The following BEND2 variants were observed in gnomAD, a reference collection of about 807,000 sequenced individuals.
The protein encoded by BEND2 is BEN domain containing 2.
In BEND2, 19 loss-of-function variants were observed where a neutral mutation model predicts 43.8. The ratio of observed to expected loss-of-function variants is 0.43; its 90% CI spans 0.30 to 0.64. The LOEUF (loss-of-function observed/expected upper bound fraction) is 0.64, where lower values mean the gene tolerates loss of function less well. Among genes scored for constraint, BEND2 ranks in the 30% least tolerant of loss-of-function variants. The probability of loss-of-function intolerance (pLI) is 0.11; values close to 1 mark genes in which losing one functional copy is unlikely to be tolerated. For missense variants in BEND2, 544 were observed against 574.0 expected (o/e 0.95, Z 0.53); for synonymous variants, 226 against 210.1 (o/e 1.08, Z -0.66).
At chrX:18,212,092 CTTTTTT>C (rs758303697) in intron 4 of BEND2, among the ~76,000 whole-genome samples, 1 of 71,075 alleles carries the variant, frequency 1.4e-5, no homozygotes. Context: ...TTATTACTGT[CTTTTTT>C]TTTTTTTTTT....
chrX:18,180,686 T>C (rs1924351769), intron 8 of BEND2, 36 bp from the exon 9 acceptor site: 1 of 1,091,409 alleles, frequency 9.2e-7, no homozygotes, highest in Non-Finnish European at 1.3e-6. Flanking sequence ...CAATTCTATA[T>C]CCAGCAAAAC....
chrX:18,180,375 T>G, intron 9 of BEND2, 135 bp downstream of exon 9: 1 of 943,282 alleles, frequency 1.1e-6, no homozygotes, highest in Non-Finnish European at 1.4e-6. Context: ...CAATAAATGT[T>G]AGTCATGGTT....
Position 18,220,746 on chromosome X carries a change from G to C in BEND2, c.5C>G (p.Ser2Ter). 8.3e-7 allele frequency: 1 copy of C among 1,208,914 alleles called. No individual in the cohort carries two copies. Among genetic ancestry groups the C allele is most frequent in the Non-Finnish European group, 1.1e-6 (1 of 893,898 alleles). Residue 2 changes from serine to a stop codon, truncating the protein, a stop_gained, in exon 1 of 14, where the codon TCA becomes TGA. Coordinates refer to ENST00000380033, the MANE Select transcript of BEND2 (RefSeq NM_153346.5). LOFTEE classifies it high-confidence loss of function. M[S>*]ERTQEQDFVI... is the part of the protein sequence containing the mutation. The stretch of plus-strand genomic sequence containing the variant: ...TTTACCCTGTTCCTGGGTCCTCTCT[G>C]ACATCGTGAGATGGCGGGGTCTGGC...
intron 10 of BEND2, among the ~76,000 whole-genome samples, chrX:18,177,209 A>AT (rs771370173): frequency 4.8e-5 from 4 of 82,485 alleles, no homozygotes; most frequent in Middle Eastern, 5.5e-3. Context: ...CAAGTCTTTT[A>AT]TTCCCCCCCG....
intron 8 of BEND2, among the ~76,000 whole-genome samples, chrX:18,189,911 A>G (rs1039206316): frequency 3.6e-5 from 4 of 110,404 alleles, no homozygotes; most frequent in African/African-American, 1.3e-4. Flanking sequence ...TTAGCCGAGC[A>G]TGGTGGCACA....
At position 18,174,154 on chromosome X, in the gene BEND2, C is replaced by A. The variant is rs1207465612; in HGVS notation, c.1857G>T (p.Met619Ile). 3 of 1,209,631 alleles carry A rather than the reference C, an allele frequency of 2.5e-6. No individual in the cohort carries two copies. Among genetic ancestry groups the A allele is most frequent in the Non-Finnish European group, 3.4e-6 (3 of 894,747 alleles). ...GRDGGEGCSW[M>I]FQPMNNSKMR... ...TTTTGGAGTTATTCATTGGCTGAAA[C>A]ATCCAAGAACAGCCTTCACCACCAT... The change falls in exon 12 of 14, where the codon ATG becomes ATT. Residue 619 changes from methionine to isoleucine, a missense_variant. By Grantham distance (10) the Met-to-Ile change is conservative (BLOSUM62 1). Coordinates refer to ENST00000380033, the MANE Select transcript of BEND2 (RefSeq NM_153346.5).
chrX:18,217,922 AAAT>A (rs56310183), intron 1 of BEND2, among the ~76,000 whole-genome samples: 21 of 104,540 alleles, frequency 2.0e-4, no homozygotes, highest in South Asian at 1.7e-3. Context: ...CTCTACCAAA[AAAT>A]AATAATAATA....
chrX:18,175,059 C>G (rs1472217242), intron 11 of BEND2, among the ~76,000 whole-genome samples: 1 of 111,576 alleles, frequency 9.0e-6, no homozygotes, highest in Non-Finnish European at 1.9e-5. Flanking sequence ...GACACCTAAG[C>G]AAATATGCAA....
At chrX:18,185,139 A>C (rs1272192825) in intron 8 of BEND2, among the ~76,000 whole-genome samples, 1 of 110,179 alleles carries the variant, frequency 9.1e-6, no homozygotes, top group Non-Finnish European at 1.9e-5. Flanking sequence ...AGAATGAAGC[A>C]TGTCTACAAG....
At position 18,171,140 on chromosome X, in the gene BEND2, A is replaced by G. The variant is rs1252172902; in HGVS notation, c.2046T>C (p.Thr682=). The G allele has an allele frequency of 1.7e-6, 2 of 1,208,802 alleles. No individual in the cohort carries two copies. The highest frequency in any genetic ancestry group is 2.2e-6 in the Non-Finnish European group (2 of 892,459). ...TAGCCGACAGGCTTGCGCAAGACTT[A>G]GTTTTTGCCAAAGTCAGTACTGAAC... ...MPCSVLTLAK[T]KSCASLSARY... Residue 682 remains threonine, a synonymous_variant, in exon 13 of 14, where the codon ACT becomes ACC. Transcript: ENST00000380033.
rs767864169 is a variant in BEND2, at chrX:18,171,080, G to A, written c.2106C>T (p.Val702=). The A allele has an allele frequency of 5.0e-6, 6 of 1,211,983 alleles. No homozygotes were observed. Among genetic ancestry groups the A allele is most frequent in the Non-Finnish European group, 6.7e-6 (6 of 895,402 alleles). Residue 702 remains valine, a synonymous_variant, in exon 13 of 14, where the codon GTC becomes GTT. Transcript: ENST00000380033. The part of the protein sequence containing the change: ...YLIQKLFTKD[V]LVQSNVYGNL... The stretch of plus-strand genomic sequence containing the variant: ...TGCCATAGACGTTACTTTGGACCAG[G>A]ACATCTTTTGTGAAGAGTTTCTGAA...
rs1056517761 is a variant in BEND2, at chrX:18,216,547, T to C, written c.212A>G (p.His71Arg). The stretch of plus-strand genomic sequence containing the variant: ...ATATGACATTTGGAGTGGACGGTGA[T>C]GGCCATCATTGCCGCCTGGAAAATT... ...QPNFPGGNDG[H>R]HRPLQMSYGS... The change falls in exon 2 of 14, where the codon CAT (histidine) becomes CGT (arginine). Residue 71 changes from histidine (H) to arginine (R), a missense_variant. By Grantham distance (29) the His-to-Arg change is conservative. Coordinates refer to ENST00000380033, the MANE Select transcript of BEND2 (RefSeq NM_153346.5). 1 of 1,206,786 alleles carries C rather than the reference T, an allele frequency of 8.3e-7. No homozygotes were observed. Among genetic ancestry groups the C allele is most frequent in the Non-Finnish European group, 1.1e-6 (1 of 891,071 alleles).
chrX:18,170,882 G>A (rs1923951025), intron 13 of BEND2, 119 bp downstream of exon 13: 2 of 1,127,216 alleles, frequency 1.8e-6, no homozygotes, highest in African/African-American at 3.6e-5. Context: ...GAGGCACTCA[G>A]TAATTACTAA....
At chrX:18,175,085 G>A (rs1660022156) in intron 11 of BEND2, among the ~76,000 whole-genome samples, 1 of 111,569 alleles carries the variant, frequency 9.0e-6, no homozygotes, top group Non-Finnish European at 1.9e-5. Context: ...CATTTTCCAG[G>A]CAGTGTCTTA....
At chrX:18,174,645 C>T (rs1175459848) in intron 11 of BEND2, among the ~76,000 whole-genome samples, 1 of 111,978 alleles carries the variant, frequency 8.9e-6, no homozygotes, top group Non-Finnish European at 1.9e-5. Flanking sequence ...AGTCTGGCTG[C>T]CCATTTGAAT....
At chrX:18,210,314 T>C (rs938217569) in intron 4 of BEND2, among the ~76,000 whole-genome samples, 4 of 112,048 alleles carry the variant, frequency 3.6e-5, no homozygotes, top group African/African-American at 9.7e-5. Context: ...TTCCACCTTC[T>C]TCACAATCAA....
chrX:18,173,105 C>A (rs192886485), intron 12 of BEND2, among the ~76,000 whole-genome samples: 2 of 111,460 alleles, frequency 1.8e-5, no homozygotes, highest in Admixed American at 1.9e-4. Context: ...ACTCCACACA[C>A]ACTGCAGTGA....
rs1923780581 is a variant in BEND2, at chrX:18,164,883, G to A, written c.*126C>T. ...TTATGAGCAGAAAAAGAGGTTTGGC[G>A]ATTACTACAGGTGTCAATGCAAACT... is the stretch of plus-strand genomic sequence containing the variant. On this transcript the variant is annotated 3_prime_UTR_variant, in exon 14 of 14. Transcript: ENST00000380033. 4 of 656,248 alleles carry A rather than the reference G, an allele frequency of 6.1e-6. No individual in the cohort carries two copies. The highest frequency in any genetic ancestry group is 3.0e-5 in the South Asian group (1 of 33,761). 54.1% of individuals were successfully genotyped at this position (656,248 alleles called of 1,213,427 possible).
chrX:18,177,457 G>T, intron 10 of BEND2, 112 bp downstream of exon 10: 1 of 815,116 alleles, frequency 1.2e-6, no homozygotes, highest in Non-Finnish European at 1.8e-6. Context: ...AAAATGAATA[G>T]TTTTAAGATT....
Sources: allele counts gnomAD v4.1 joint callset (sites outside exome capture counted in the v4.1 genomes callset), GRCh38; gene constraint gnomAD v4.1.1; transcripts MANE v1.5; gene names NCBI Gene and HGNC (gene_info 2026-07-23, HGNC 2026-07-21).